Variants in ADK observed in about 807,000 individuals in gnomAD.
ADK encodes the protein adenosine kinase.
Under a neutral mutation model 44.7 loss-of-function variants are expected in ADK, and 24 were observed. That is an observed-to-expected ratio of 0.54 (90% confidence interval 0.39 to 0.76). The LOEUF (loss-of-function observed/expected upper bound fraction) is 0.76. ADK is among the 30% of genes least tolerant of loss of function. The pLI is 0.00. For synonymous variants in ADK, 128 were observed against 142.6 expected (o/e 0.90, Z 0.73); for missense variants, 321 against 425.1 (o/e 0.76, Z 2.15).
At chr10:74,490,889 G>A (rs1349400179) in intron 6 of ADK, among the ~76,000 whole-genome samples, 5 of 151,998 alleles carry the variant, frequency 3.3e-5, no homozygotes, top group South Asian at 4.1e-4. Flanking sequence ...TGGTGTCCAT[G>A]TTTAGGTACC....
Position 74,667,165 on chromosome 10 carries a change from A to T in ADK, c.878-3018A>T, listed in dbSNP as rs544406991. Among the ~76,000 whole-genome samples, 55 of 152,254 alleles carry T rather than the reference A, an allele frequency of 3.6e-4. No homozygotes were observed. The South Asian group carries it at 5.4e-3, about 15-fold the overall frequency. On this transcript the variant is annotated intron_variant, in intron 9 of 10. Transcript: ENST00000539909. ...TATAATAGATCTGTAAACCAGCTTA[A>T]GTCATTTGAAAATCAGAGCATACTG...
At chr10:74,403,388 C>G (rs964779411) in intron 6 of ADK, among the ~76,000 whole-genome samples, 1 of 152,136 alleles carries the variant, frequency 6.6e-6, no homozygotes, top group African/African-American at 2.4e-5. Context: ...GCTGTGGGCT[C>G]TACCTAGTTC....
chr10:74,627,305 A>G (rs1339551622), intron 9 of ADK, among the ~76,000 whole-genome samples: 1 of 152,106 alleles, frequency 6.6e-6, no homozygotes, highest in African/African-American at 2.4e-5. Flanking sequence ...GCGAGACCTC[A>G]TCTCTACTAA....
At chr10:74,237,834 C>T (rs1011372427) in intron 3 of ADK, among the ~76,000 whole-genome samples, 3 of 152,114 alleles carry the variant, frequency 2.0e-5, no homozygotes, top group Non-Finnish European at 4.4e-5. Flanking sequence ...CATGGTGGCT[C>T]ATGTCTGTAA....
At position 74,591,895 on chromosome 10, in the gene ADK, A is replaced by C. The variant is rs1851736353; in HGVS notation, c.762+2578A>C. Reference sequence around the variant, plus strand: ...GTTCCAAAAGCCACTGAGTATTGCCACTAGTGATCTGGCTGCTGACAGACC... The same window carrying C: ...GTTCCAAAAGCCACTGAGTATTGCCCCTAGTGATCTGGCTGCTGACAGACC... On this transcript the variant is annotated intron_variant, in intron 8 of 10. Coordinates refer to ENST00000539909, the MANE Select transcript of ADK (RefSeq NM_006721.4). 3.3e-5 allele frequency among the ~76,000 whole-genome samples: 5 copies of C among 152,102 alleles called. No individual in the cohort carries two copies. In the South Asian group the frequency reaches 1.0e-3, roughly 32 times the overall value.
chr10:74,488,390 T>C (rs1172653422), intron 6 of ADK, among the ~76,000 whole-genome samples: 1 of 151,254 alleles, frequency 6.6e-6, no homozygotes, highest in East Asian at 1.9e-4. Context: ...TGTGTGTGTG[T>C]GTGTGTGTGT....
chr10:74,682,911 T>C (rs1240825360), intron 10 of ADK, among the ~76,000 whole-genome samples: 2 of 152,300 alleles, frequency 1.3e-5, no homozygotes, highest in East Asian at 3.9e-4. Flanking sequence ...GGTCAGACCT[T>C]ACCCTGGCAG....
chr10:74,202,867 G>T (rs1843448869), intron 2 of ADK, among the ~76,000 whole-genome samples: 1 of 152,150 alleles, frequency 6.6e-6, no homozygotes, highest in Non-Finnish European at 1.5e-5. Flanking sequence ...CTATCAGCTA[G>T]CATATGATTT....
chr10:74,644,880 A>G (rs967045652), intron 9 of ADK, among the ~76,000 whole-genome samples: 1 of 152,174 alleles, frequency 6.6e-6, no homozygotes, highest in Admixed American at 6.5e-5. Context: ...AATGTTAATT[A>G]TATGTATGCA....
chr10:74,527,700 T>C lies in ADK; in HGVS notation c.726+2274T>C, dbSNP rs1031462500. Reference sequence around the variant, plus strand: ...GTGTCAAAAATGCCTCTCTTATTTCTGCATTGTCCACTGGACGTTTTAGTC... The same window carrying C: ...GTGTCAAAAATGCCTCTCTTATTTCCGCATTGTCCACTGGACGTTTTAGTC... On this transcript the variant is annotated intron_variant, in intron 7 of 10. Coordinates refer to ENST00000539909, the MANE Select transcript of ADK (RefSeq NM_006721.4). 3.2e-6 allele frequency: 4 copies of C among 1,264,362 alleles called. No individual in the cohort carries two copies. In the East Asian group the frequency reaches 9.2e-5, roughly 29 times the overall value. 78.3% of individuals were successfully genotyped at this position (1,264,362 alleles called of 1,614,324 possible).
intron 3 of ADK, among the ~76,000 whole-genome samples, chr10:74,277,593 G>T (rs1350936556): frequency 6.6e-6 from 1 of 152,010 alleles, no homozygotes; most frequent in South Asian, 2.1e-4. Flanking sequence ...TAGTGACGGG[G>T]TTTCACCATG....
intron 3 of ADK, among the ~76,000 whole-genome samples, chr10:74,276,453 C>T (rs1022732494): frequency 3.3e-5 from 5 of 152,218 alleles, no homozygotes; most frequent in African/African-American, 9.6e-5. Flanking sequence ...TATTAATTTT[C>T]TGTTTTTCAG....
intron 7 of ADK, among the ~76,000 whole-genome samples, chr10:74,527,070 AT>A (rs1849070454): frequency 6.6e-6 from 1 of 152,224 alleles, no homozygotes; most frequent in Non-Finnish European, 1.5e-5. Flanking sequence ...GATAAATATG[AT>A]TCCAAAGAGG....
At chr10:74,306,559 T>C (rs1395314944) in intron 3 of ADK, among the ~76,000 whole-genome samples, 1 of 152,232 alleles carries the variant, frequency 6.6e-6, no homozygotes, top group African/African-American at 2.4e-5. Context: ...ACTTTGTTTA[T>C]TATTATTTAC....
chr10:74,406,867 G>C (rs1228594777), intron 6 of ADK, among the ~76,000 whole-genome samples: 1 of 151,870 alleles, frequency 6.6e-6, no homozygotes, highest in East Asian at 1.9e-4. Flanking sequence ...TTTTAGTAGA[G>C]GTGGGTTTTC....
At chr10:74,570,260 C>A (rs1218723163) in intron 7 of ADK, among the ~76,000 whole-genome samples, 1 of 152,064 alleles carries the variant, frequency 6.6e-6, no homozygotes, top group Non-Finnish European at 1.5e-5. Context: ...GATGCGGGCT[C>A]TTTTTTGATT....
intron 6 of ADK, among the ~76,000 whole-genome samples, chr10:74,458,416 G>A (rs1400756663): frequency 6.7e-6 from 1 of 150,338 alleles, no homozygotes; most frequent in Non-Finnish European, 1.5e-5. Context: ...TGGGATTACA[G>A]GCATGAGCCA....
intron 6 of ADK, among the ~76,000 whole-genome samples, chr10:74,420,368 A>G (rs1490095160): frequency 1.3e-5 from 2 of 152,190 alleles, no homozygotes; most frequent in Non-Finnish European, 2.9e-5. Flanking sequence ...CTTTAGATCT[A>G]TGAAACTGGG....
intron 3 of ADK, among the ~76,000 whole-genome samples, chr10:74,280,510 T>A (rs559691554): frequency 6.6e-6 from 1 of 152,180 alleles, no homozygotes; most frequent in Non-Finnish European, 1.5e-5. Context: ...GCCTCAAGTA[T>A]TTCTCCCACC....
Sources: allele counts gnomAD v4.1 joint callset (sites outside exome capture counted in the v4.1 genomes callset), GRCh38; gene constraint gnomAD v4.1.1; transcripts MANE v1.5; gene names NCBI Gene and HGNC (gene_info 2026-07-23, HGNC 2026-07-21).